The following PCDHGA12 variants were observed in gnomAD, a reference collection of about 807,000 sequenced individuals.
PCDHGA12 encodes the protein protocadherin gamma-A12.
Under a neutral mutation model 61.1 loss-of-function variants are expected in PCDHGA12, and 43 were observed. The ratio of observed to expected loss-of-function variants is 0.70; its 90% CI spans 0.55 to 0.91. PCDHGA12 has a LOEUF of 0.91. Ranked by LOEUF, PCDHGA12 falls within the 40% of genes least tolerant of loss-of-function variation. The pLI is 0.00. For missense variants in PCDHGA12, 1,236 were observed against 1,227.7 expected (o/e 1.01, Z -0.10); for synonymous variants, 520 against 542.9 (o/e 0.96, Z 0.59).
At chr5:141,452,527 G>A (rs1164238830) in intron 1 of PCDHGA12, among the ~76,000 whole-genome samples, 1 of 152,156 alleles carries the variant, frequency 6.6e-6, no homozygotes, top group Non-Finnish European at 1.5e-5. Flanking sequence ...TCAAAATCGT[G>A]AGTTCATATT....
In PCDHGA12 at chr5:141,485,615, C is replaced by G; in HGVS notation, c.2425-9192C>G. ...CTTGGAAATTGGGGAGGCAGCTCCTCCAGGACAGCGTTTCCCGTTGGAAAA... is the reference window on the plus strand; with the variant it reads ...CTTGGAAATTGGGGAGGCAGCTCCTGCAGGACAGCGTTTCCCGTTGGAAAA... On this transcript the variant is annotated intron_variant, in intron 1 of 3. Coordinates refer to ENST00000252085, the MANE Select transcript of PCDHGA12 (RefSeq NM_003735.3). This position sits in a 1 kb window ranked among gnomAD's most constrained non-coding sequence, Gnocchi z 5.7. 6.2e-7 allele frequency: 1 copy of G among 1,612,250 alleles called. No individual in the cohort carries two copies. The highest frequency in any genetic ancestry group is 1.3e-5 in the African/African-American group (1 of 74,992).
chr5:141,499,572 T>C (rs2099792782), intron 2 of PCDHGA12, among the ~76,000 whole-genome samples: 1 of 152,178 alleles, frequency 6.6e-6, no homozygotes, highest in Admixed American at 6.5e-5. Flanking sequence ...CAGCTTCAAC[T>C]AATGCCTTAT....
rs779750859 is a variant in PCDHGA12, at chr5:141,476,273, A to G, written c.2425-18534A>G. On this transcript the variant is annotated intron_variant, in intron 1 of 3. Transcript: ENST00000252085. The surrounding 1 kb of genome is among the most constrained non-coding windows in gnomAD (Gnocchi z 7.6). Reference sequence around the variant, plus strand: ...TTTCGCTGTGGGCAACGTGGTCGCGAACCTTGGTTTGGATCTCGGTAGCCT... The same window carrying G: ...TTTCGCTGTGGGCAACGTGGTCGCGGACCTTGGTTTGGATCTCGGTAGCCT... 6.2e-7 allele frequency: 1 copy of G among 1,613,964 alleles called. No individual in the cohort carries two copies. The highest frequency in any genetic ancestry group is 1.1e-5 in the South Asian group (1 of 91,064).
At chr5:141,444,774 AT>A (rs2098446962) in intron 1 of PCDHGA12, among the ~76,000 whole-genome samples, 1 of 152,018 alleles carries the variant, frequency 6.6e-6, no homozygotes, top group Non-Finnish European at 1.5e-5. Context: ...TATATTCTTG[AT>A]CATGTTTCAT....
chr5:141,478,092 C>T (rs2099429960), intron 1 of PCDHGA12: 1 of 1,614,156 alleles, frequency 6.2e-7, no homozygotes, highest in Non-Finnish European at 8.5e-7. Flanking sequence ...CTCTCCACCA[C>T]TGCTACCCTC....
chr5:141,478,607 A>T (rs892000536), intron 1 of PCDHGA12: 1 of 1,560,800 alleles, frequency 6.4e-7, no homozygotes, highest in Non-Finnish European at 8.7e-7. Context: ...CATCATATTG[A>T]GGAAGGAATG....
Position 141,436,609 on chromosome 5 carries a change from A to G in PCDHGA12, c.2424+3426A>G, listed in dbSNP as rs182981534. On this transcript the variant is annotated intron_variant, in intron 1 of 3. Coordinates refer to ENST00000252085, the MANE Select transcript of PCDHGA12 (RefSeq NM_003735.3). ...AAAGGTCGTGGTGATGGCTAGGGCT[A>G]ACAAAAATCTGATTCACAACATGCA... Among the ~76,000 whole-genome samples, 5 of 152,334 alleles carry G rather than the reference A, an allele frequency of 3.3e-5. No homozygotes were observed. The East Asian group carries it at 5.8e-4, about 18-fold the overall frequency.
chr5:141,484,845 G>T (rs541372844), intron 1 of PCDHGA12, among the ~76,000 whole-genome samples: 10 of 152,076 alleles, frequency 6.6e-5, no homozygotes, highest in Admixed American at 2.6e-4. Flanking sequence ...GATAGGCTGG[G>T]TTTTTTGGGG....
At chr5:141,505,852 G>A (rs2099848673) in intron 3 of PCDHGA12, among the ~76,000 whole-genome samples, 1 of 152,140 alleles carries the variant, frequency 6.6e-6, no homozygotes, top group African/African-American at 2.4e-5. Context: ...TAGAAAGTGG[G>A]GACAGGGACC....
chr5:141,463,086 GC>G (rs1171354311), intron 1 of PCDHGA12, among the ~76,000 whole-genome samples: 1 of 152,098 alleles, frequency 6.6e-6, no homozygotes, highest in African/African-American at 2.4e-5. Context: ...ACATTTTCCA[GC>G]CCTATGTGAC....
At position 141,511,345 on chromosome 5, in the gene PCDHGA12, T is replaced by C; in HGVS notation, c.*172T>C. ...AAGTGCCCAGTCAGCACCTACCCCT[T>C]CCCCCCCAGGGGGTTGAATATGCAA... On this transcript the variant is annotated 3_prime_UTR_variant, in exon 4 of 4. Transcript: ENST00000252085. The C allele has an allele frequency of 1.4e-6, 2 of 1,410,502 alleles. No homozygotes were observed. The highest frequency in any genetic ancestry group is 9.4e-7 in the Non-Finnish European group (1 of 1,060,676). 87.4% of individuals were successfully genotyped at this position (1,410,502 alleles called of 1,614,324 possible).
chr5:141,442,164 C>A, intron 1 of PCDHGA12: 1 of 156,542 alleles, frequency 6.4e-6, no homozygotes, highest in Non-Finnish European at 1.4e-5. Context: ...GATCACTCTG[C>A]AAAGCTACAG....
chr5:141,432,887 T>A lies in PCDHGA12; in HGVS notation c.2128T>A (p.Leu710Met), dbSNP rs146168033. The change falls in exon 1 of 4, where the codon TTG (leucine) becomes ATG (methionine). Residue 710 changes from leucine (L) to methionine (M), a missense_variant. Leu to Met is a conservative substitution (Grantham distance 15). Coordinates refer to ENST00000252085, the MANE Select transcript of PCDHGA12 (RefSeq NM_003735.3). The surrounding 1 kb of genome is among the most constrained non-coding windows in gnomAD (Gnocchi z 6.0). Reference protein sequence around the residue: ...VSCVFLAFVILLLALRLRRWH... With the variant: ...VSCVFLAFVIMLLALRLRRWH... ...CTGCGTCTTCCTGGCCTTCGTCATC[T>A]TGCTGCTGGCGCTCAGGCTGCGGCG... 1.2e-6 allele frequency: 2 copies of A among 1,614,056 alleles called. No homozygotes were observed. Among genetic ancestry groups the A allele is most frequent in the Non-Finnish European group, 1.7e-6 (2 of 1,179,998 alleles).
In PCDHGA12 at chr5:141,487,519, T is replaced by C. The variant is rs1288070159; in HGVS notation, c.2425-7288T>C. The C allele has an allele frequency of 6.2e-7, 1 of 1,614,046 alleles. No individual in the cohort carries two copies. ...CCTTGGCTTCTGCACCCACTCGGAG[T>C]GATAGCTTCATGATGGTGAAGTCAC... On this transcript the variant is annotated intron_variant, in intron 1 of 3. Transcript: ENST00000252085. The surrounding 1 kb of genome is among the most constrained non-coding windows in gnomAD (Gnocchi z 5.0).
chr5:141,446,850 C>T (rs1027473189), intron 1 of PCDHGA12, among the ~76,000 whole-genome samples: 2 of 152,114 alleles, frequency 1.3e-5, no homozygotes, highest in Non-Finnish European at 2.9e-5. Flanking sequence ...GCATAATAAG[C>T]TTCCTGATAG....
In PCDHGA12 at chr5:141,432,250, A is replaced by G. The variant is rs777728825; in HGVS notation, c.1491A>G (p.Gln497=). 2 of 1,614,234 alleles carry G rather than the reference A, an allele frequency of 1.2e-6. No homozygotes were observed. Among genetic ancestry groups the G allele is most frequent in the Admixed American group, 1.7e-5 (1 of 60,026 alleles). ...ITYSLAENTI[Q]GASLSSYVSI... ...ATTCCCTGGCTGAGAACACCATCCA[A>G]GGGGCAAGCCTATCGTCCTACGTGT... The change falls in exon 1 of 4, where the codon CAA becomes CAG. Residue 497 remains glutamine (Q), a synonymous_variant. Transcript: ENST00000252085. The surrounding 1 kb of genome is among the most constrained non-coding windows in gnomAD (Gnocchi z 6.0).
chr5:141,490,998 C>T lies in PCDHGA12; in HGVS notation c.2425-3809C>T, dbSNP rs1284919124. 5 of 1,614,014 alleles carry T rather than the reference C, an allele frequency of 3.1e-6. No homozygotes were observed. The highest frequency in any genetic ancestry group is 1.7e-5 in the Admixed American group (1 of 60,016). On this transcript the variant is annotated intron_variant, in intron 1 of 3. Coordinates refer to ENST00000252085, the MANE Select transcript of PCDHGA12 (RefSeq NM_003735.3). The surrounding 1 kb of genome is among the most constrained non-coding windows in gnomAD (Gnocchi z 5.4). Reference sequence around the variant, plus strand: ...GTCTCCCTCGCTCTGCTCCTCCTGGCTCCTTGGTCACCAAGGTGACAGCCG... The same window carrying T: ...GTCTCCCTCGCTCTGCTCCTCCTGGTTCCTTGGTCACCAAGGTGACAGCCG...
intron 1 of PCDHGA12, among the ~76,000 whole-genome samples, chr5:141,472,224 A>G (rs570743680): frequency 1.4e-4 from 21 of 152,330 alleles, no homozygotes; most frequent in African/African-American, 4.1e-4. Context: ...TCTCGATCAT[A>G]TAATACATTC....
intron 1 of PCDHGA12, among the ~76,000 whole-genome samples, chr5:141,482,079 C>A (rs2099551704): frequency 8.4e-6 from 1 of 119,308 alleles, no homozygotes; most frequent in African/African-American, 3.8e-5. Context: ...GAACAAAACT[C>A]ACTCCATCTC....
Sources: allele counts gnomAD v4.1 joint callset (sites outside exome capture counted in the v4.1 genomes callset), GRCh38; gene constraint gnomAD v4.1.1; non-coding constraint Gnocchi (gnomAD v3.1); transcripts MANE v1.5; gene names NCBI Gene and HGNC (gene_info 2026-07-23, HGNC 2026-07-21).